The following ELAPOR2 variants were observed in gnomAD, a reference collection of about 807,000 sequenced individuals.
ELAPOR2 encodes endosome/lysosome-associated apoptosis and autophagy regulator family member 2.
In ELAPOR2, 89 loss-of-function variants were observed where a neutral mutation model predicts 120.7. That is an observed-to-expected ratio of 0.74 (90% CI 0.62 to 0.88). ELAPOR2 has a LOEUF of 0.88. Among genes scored for constraint, ELAPOR2 ranks in the 40% least tolerant of loss-of-function variants. The pLI, the probability that ELAPOR2 is intolerant of heterozygous loss-of-function variation, is 0.00. For synonymous variants in ELAPOR2, 444 were observed against 444.9 expected (o/e 1.00, Z 0.03); for missense variants, 1,134 against 1,251.6 (o/e 0.91, Z 1.42).
intron 1 of ELAPOR2, among the ~76,000 whole-genome samples, chr7:87,049,846 C>T (rs1015540191): frequency 6.6e-6 from 1 of 152,132 alleles, no homozygotes; most frequent in Admixed American, 6.5e-5. Context: ...AACTTTATCC[C>T]AAATGTGGTG....
At chr7:87,010,299 A>T (rs989931160) in intron 1 of ELAPOR2, among the ~76,000 whole-genome samples, 1 of 152,208 alleles carries the variant, frequency 6.6e-6, no homozygotes, top group Admixed American at 6.5e-5. Flanking sequence ...AACTGATTTA[A>T]CAGATATAAA....
At chr7:86,896,313 G>A (rs1240224693) in intron 19 of ELAPOR2, among the ~76,000 whole-genome samples, 1 of 152,010 alleles carries the variant, frequency 6.6e-6, no homozygotes, top group Non-Finnish European at 1.5e-5. Context: ...TGCTGGGTTT[G>A]ATGTACAATA....
At chr7:86,938,703 C>T in intron 7 of ELAPOR2, 105 bp downstream of exon 7, 1 of 1,170,282 alleles carries the variant, frequency 8.5e-7, no homozygotes, top group Non-Finnish European at 1.2e-6. Flanking sequence ...ACTTTGGTTT[C>T]AGGCACCACT....
intron 1 of ELAPOR2, among the ~76,000 whole-genome samples, chr7:86,979,611 C>G (rs532994910): frequency 6.4e-4 from 97 of 152,286 alleles, no homozygotes; most frequent in Middle Eastern, 6.8e-3. Context: ...TCACAAAAGA[C>G]TTGACATGAG....
chr7:86,998,586 T>C (rs1793202921), intron 1 of ELAPOR2, among the ~76,000 whole-genome samples: 1 of 152,146 alleles, frequency 6.6e-6, no homozygotes, highest in African/African-American at 2.4e-5. Context: ...TTTGGCAGCA[T>C]CCCTGGCCTC....
intron 1 of ELAPOR2, among the ~76,000 whole-genome samples, chr7:87,019,211 T>G (rs1793963793): frequency 6.6e-6 from 1 of 152,210 alleles, no homozygotes; most frequent in Non-Finnish European, 1.5e-5. Context: ...TCACCCAGGC[T>G]GGAGTATTGT....
chr7:87,020,195 A>G (rs1793995155), intron 1 of ELAPOR2, among the ~76,000 whole-genome samples: 1 of 152,122 alleles, frequency 6.6e-6, no homozygotes, highest in Non-Finnish European at 1.5e-5. Flanking sequence ...ATGTGTGCAT[A>G]TTTTAAAAGA....
chr7:86,944,857 A>C (rs1163608772), intron 4 of ELAPOR2, 42 bp downstream of exon 4: 1 of 1,477,138 alleles, frequency 6.8e-7, no homozygotes, highest in East Asian at 2.5e-5. Context: ...ATTTACATGA[A>C]TGTCCCTTAA....
Position 86,948,531 on chromosome 7 carries a change from T to C in ELAPOR2, c.311-609A>G, listed in dbSNP as rs371266875. On this transcript the variant is annotated intron_variant, in intron 2 of 21. Coordinates refer to ENST00000450689, the MANE Select transcript of ELAPOR2 (RefSeq NM_001142749.3). ...TGATCCAATGAGTGACAACTAAATA[T>C]AAAAAGGGAAACAGGAAAGCAGTGC... Among the ~76,000 whole-genome samples, 4 of 152,008 alleles carry C rather than the reference T, an allele frequency of 2.6e-5. 1 individual carries two copies. In the South Asian group the frequency reaches 6.2e-4, roughly 24 times the overall value.
rs1172844335 is a variant in ELAPOR2 at position 86,938,974 on chromosome 7, A to T, written c.848-14T>A. 2 of 1,612,442 alleles carry T rather than the reference A, an allele frequency of 1.2e-6. No individual in the cohort carries two copies. The highest frequency in any genetic ancestry group is 1.7e-6 in the Non-Finnish European group (2 of 1,179,042). ...TGTACGCCACCCCTGTGCAGTAATG[A>T]AAAACAGAGCATGGGAGGGGGACCC... On this transcript the variant is annotated splice_polypyrimidine_tract_variant and intron_variant, in intron 6 of 21. Coordinates refer to ENST00000450689, the MANE Select transcript of ELAPOR2 (RefSeq NM_001142749.3).
chr7:86,926,603 T>C (rs1790076344), intron 9 of ELAPOR2, 133 bp downstream of exon 9: 2 of 780,458 alleles, frequency 2.6e-6, no homozygotes, highest in South Asian at 2.1e-5. Context: ...TACAGTTGAC[T>C]GCAATTTTTG....
intron 1 of ELAPOR2, among the ~76,000 whole-genome samples, chr7:86,972,213 G>T (rs905987896): frequency 6.6e-6 from 1 of 152,058 alleles, no homozygotes; most frequent in Non-Finnish European, 1.5e-5. Flanking sequence ...AAGCTCTTTT[G>T]CCCCAGCCAA....
intron 4 of ELAPOR2, among the ~76,000 whole-genome samples, chr7:86,943,920 T>C (rs1157480443): frequency 2.0e-5 from 3 of 152,070 alleles, no homozygotes; most frequent in African/African-American, 7.2e-5. Flanking sequence ...TGCCGGAAGG[T>C]TCACTTAATT....
intron 12 of ELAPOR2, among the ~76,000 whole-genome samples, chr7:86,916,968 T>G (rs1313501977): frequency 4.2e-5 from 6 of 143,734 alleles, no homozygotes; most frequent in Non-Finnish European, 9.1e-5. Flanking sequence ...TTTTTTTTTT[T>G]TTTTTTTTTT....
chr7:86,954,069 C>A (rs990357749), intron 2 of ELAPOR2, among the ~76,000 whole-genome samples: 1 of 152,174 alleles, frequency 6.6e-6, no homozygotes, highest in Admixed American at 6.5e-5. Flanking sequence ...TATATTAGTC[C>A]GTCCCCAAGT....
intron 18 of ELAPOR2, among the ~76,000 whole-genome samples, chr7:86,905,813 G>A (rs1788985985): frequency 6.6e-6 from 1 of 152,150 alleles, no homozygotes; most frequent in Non-Finnish European, 1.5e-5. Flanking sequence ...GTATTCTGCT[G>A]CAGGTCATCT....
chr7:86,971,344 A>C (rs930237516), intron 1 of ELAPOR2, among the ~76,000 whole-genome samples: 2 of 152,214 alleles, frequency 1.3e-5, no homozygotes, highest in African/African-American at 4.8e-5. Flanking sequence ...ATTTTCAAAA[A>C]ATGAACATTC....
chr7:87,019,424 A>G (rs1793972080), intron 1 of ELAPOR2, among the ~76,000 whole-genome samples: 1 of 152,162 alleles, frequency 6.6e-6, no homozygotes, highest in African/African-American at 2.4e-5. Flanking sequence ...TCAGCCTCCT[A>G]GAATGCTGGG....
intron 5 of ELAPOR2, 51 bp from the exon 6 acceptor site, chr7:86,940,166 C>A: frequency 9.1e-7 from 1 of 1,099,122 alleles, no homozygotes; most frequent in East Asian, 2.4e-5. Flanking sequence ...ATGCCATTTC[C>A]AAAAGCTACT....
Sources: allele counts gnomAD v4.1 joint callset (sites outside exome capture counted in the v4.1 genomes callset), GRCh38; gene constraint gnomAD v4.1.1; transcripts MANE v1.5; gene names NCBI Gene and HGNC (gene_info 2026-07-23, HGNC 2026-07-21).